Variants in SLC27A2 observed in about 807,000 individuals in gnomAD.
SLC27A2 encodes the protein long-chain fatty acid transport protein 2.
Under a neutral mutation model 60.0 loss-of-function variants are expected in SLC27A2, and 54 were observed. The observed-to-expected ratio is 0.90, with a 90% confidence interval of 0.72 to 1.13. The LOEUF is 1.13. Ranked by LOEUF, SLC27A2 falls within the 50% of genes most tolerant of loss-of-function variation. The pLI, the probability that SLC27A2 is intolerant of heterozygous loss-of-function variation, is 0.00. For missense variants in SLC27A2, 739 were observed against 777.6 expected, an observed-to-expected ratio of 0.95 and a Z score of 0.59; for synonymous variants, 297 against 297.6, an observed-to-expected ratio of 1.00 and a Z score of 0.02.
chr15:50,234,374 G>A, intron 9 of SLC27A2, among the ~76,000 whole-genome samples: 1 of 152,138 alleles, frequency 6.6e-6, no homozygotes, highest in East Asian at 1.9e-4. Context: ...GATCACCTGA[G>A]GTCGGGGGTT....
rs999724088 is a variant in SLC27A2, at chr15:50,188,689, G to A, written c.478+5784G>A. Among the ~76,000 whole-genome samples the A allele has an allele frequency of 1.6e-4, 24 of 152,230 alleles. 1 individual carries two copies. The highest frequency in any genetic ancestry group is 3.2e-3 in the Middle Eastern group (1 of 316). ...ATAAGTGTCTGTTGGGCAGGGCACG[G>A]TGGCTCATGCCTGTAATCCCAACAC... On this transcript the variant is annotated intron_variant, in intron 1 of 9. Transcript: ENST00000267842.
intron 1 of SLC27A2, among the ~76,000 whole-genome samples, chr15:50,195,822 G>A (rs1316195610): frequency 6.6e-6 from 1 of 150,892 alleles, no homozygotes; most frequent in Non-Finnish European, 1.5e-5. Context: ...TTGGGAGGCC[G>A]AGGCGGGCGG....
rs185483039 is a variant in SLC27A2 at position 50,211,518 on chromosome 15, C to A, written c.972+6155C>A. On this transcript the variant is annotated intron_variant, in intron 4 of 9. Coordinates refer to ENST00000267842, the MANE Select transcript of SLC27A2 (RefSeq NM_003645.4). ...AGACCTTCCATCTGACAGAGCCTAC[C>A]CAAATGAGAAGGAATCAGAAAACCA... Among the ~76,000 whole-genome samples the A allele has an allele frequency of 1.2e-4, 18 of 152,220 alleles. No individual in the cohort carries two copies. The East Asian group carries it at 3.3e-3, about 28-fold the overall frequency.
At chr15:50,193,651 T>G (rs2044992239) in intron 1 of SLC27A2, among the ~76,000 whole-genome samples, 1 of 152,236 alleles carries the variant, frequency 6.6e-6, no homozygotes, top group African/African-American at 2.4e-5. Context: ...TTACATTATG[T>G]TTCATTAAAG....
chr15:50,196,191 G>A (rs572303206), intron 1 of SLC27A2, among the ~76,000 whole-genome samples: 4 of 136,150 alleles, frequency 2.9e-5, no homozygotes, highest in Non-Finnish European at 4.6e-5. Context: ...CTCACTTTAC[G>A]GCTTAAAGGC....
chr15:50,219,882 T>C (rs1165023903), intron 4 of SLC27A2, among the ~76,000 whole-genome samples: 2 of 152,202 alleles, frequency 1.3e-5, no homozygotes, highest in African/African-American at 2.4e-5. Context: ...AAGGTTTTTT[T>C]CTTGTTTAAA....
At chr15:50,218,085 A>AAT (rs2045214413) in intron 4 of SLC27A2, among the ~76,000 whole-genome samples, 1 of 150,968 alleles carries the variant, frequency 6.6e-6, no homozygotes, top group African/African-American at 2.4e-5. Flanking sequence ...AAAAAAAAAA[A>AAT]ACCGGGAGAA....
intron 2 of SLC27A2, among the ~76,000 whole-genome samples, chr15:50,200,636 G>A (rs2045056833): frequency 6.6e-6 from 1 of 152,144 alleles, no homozygotes; most frequent in African/African-American, 2.4e-5. Context: ...TCTTCACGAA[G>A]TCTGTTTACC....
rs17848325 is a variant in SLC27A2, at chr15:50,226,196, T to C, written c.1258+118T>C. On this transcript the variant is annotated intron_variant, in intron 6 of 9. Transcript: ENST00000267842. Reference sequence around the variant, plus strand: ...TTTATCAGAGTGGGGAAAAGGGGGGTTTATTTAAGTACCCTCCAATATACA... The same window carrying C: ...TTTATCAGAGTGGGGAAAAGGGGGGCTTATTTAAGTACCCTCCAATATACA... 6.3e-3 allele frequency: 4,023 copies of C among 641,356 alleles called. 118 individuals are homozygous for C. The East Asian group carries it at 0.071, about 11-fold the overall frequency. 39.7% of individuals were successfully genotyped at this position (641,356 alleles called of 1,614,324 possible).
chr15:50,200,838 T>C (rs971110072), intron 2 of SLC27A2, among the ~76,000 whole-genome samples: 1 of 152,168 alleles, frequency 6.6e-6, no homozygotes, highest in Admixed American at 6.5e-5. Context: ...AGATACGGTT[T>C]TTCACCTTTC....
chr15:50,194,822 TA>T (rs1220609519), intron 1 of SLC27A2, among the ~76,000 whole-genome samples: 1 of 151,592 alleles, frequency 6.6e-6, no homozygotes, highest in East Asian at 1.9e-4. Flanking sequence ...AGGAGGGGAA[TA>T]AAGATTCTTG....
intron 4 of SLC27A2, among the ~76,000 whole-genome samples, chr15:50,212,726 G>C (rs942363776): frequency 6.6e-6 from 1 of 152,148 alleles, no homozygotes; most frequent in South Asian, 2.1e-4. Context: ...GTCGTTTTCA[G>C]ACAAACAAAT....
intron 8 of SLC27A2, among the ~76,000 whole-genome samples, chr15:50,229,827 T>C (rs1215152421): frequency 1.3e-5 from 2 of 152,198 alleles, no homozygotes; most frequent in Non-Finnish European, 2.9e-5. Context: ...AGGGGTATTA[T>C]TATTCCCCCA....
At chr15:50,217,286 C>G (rs1337481008) in intron 4 of SLC27A2, among the ~76,000 whole-genome samples, 1 of 152,138 alleles carries the variant, frequency 6.6e-6, no homozygotes, top group Non-Finnish European at 1.5e-5. Flanking sequence ...TAAGAAGTAG[C>G]TGGACCTGCT....
At position 50,197,581 on chromosome 15, in the gene SLC27A2, A is replaced by T. The variant is rs1595682620; in HGVS notation, c.560A>T (p.Asn187Ile). 1 of 1,614,044 alleles carries T rather than the reference A, an allele frequency of 6.2e-7. No individual in the cohort carries two copies. The highest frequency in any genetic ancestry group is 2.2e-5 in the East Asian group (1 of 44,862). The change falls in exon 2 of 10, where the codon AAC (asparagine) becomes ATC (isoleucine). Residue 187 changes from asparagine (N) to isoleucine (I), a missense_variant. By Grantham distance (149) the Asn-to-Ile change is moderately radical. Transcript: ENST00000267842. ...VSIYYVSRTS[N>I]TDGIDSFLDK... Reference sequence around the variant, plus strand: ...ATCTATTATGTGAGCAGAACTTCTAACACAGATGGGATTGACTCTTTCCTG... The same window carrying T: ...ATCTATTATGTGAGCAGAACTTCTATCACAGATGGGATTGACTCTTTCCTG...
At chr15:50,213,328 A>G (rs2045171511) in intron 4 of SLC27A2, among the ~76,000 whole-genome samples, 1 of 152,204 alleles carries the variant, frequency 6.6e-6, no homozygotes, top group Non-Finnish European at 1.5e-5. Context: ...GACCTAAGAA[A>G]TAAGATAGAC....
intron 4 of SLC27A2, among the ~76,000 whole-genome samples, chr15:50,205,691 A>C (rs2555490): frequency 0.72 from 109,593 of 151,950 alleles, 41,339 homozygotes; most frequent in Non-Finnish European, 0.84. Context: ...TACATTAAAC[A>C]TATTTGGGTC....
chr15:50,226,816 G>T (rs1469927566), intron 6 of SLC27A2, among the ~76,000 whole-genome samples, 164 bp from the exon 7 acceptor site: 1 of 152,168 alleles, frequency 6.6e-6, no homozygotes, highest in Non-Finnish European at 1.5e-5. Context: ...ATGTGTGTCT[G>T]TAATATATAT....
rs1249529438 is a variant in SLC27A2, at chr15:50,205,345, T to C, written c.954T>C (p.Tyr318=). The part of the protein sequence containing the change: ...VIQYIGELLR[Y]LCNSPQKPND... ...AGTATATCGGTGAACTGCTTCGGTATTTATGCAACTCACCACAGGTAACAC... is the reference window on the plus strand; with the variant it reads ...AGTATATCGGTGAACTGCTTCGGTACTTATGCAACTCACCACAGGTAACAC... Residue 318 remains tyrosine, a synonymous_variant, in exon 4 of 10, where the codon TAT becomes TAC. Coordinates refer to ENST00000267842, the MANE Select transcript of SLC27A2 (RefSeq NM_003645.4). 6.2e-7 allele frequency: 1 copy of C among 1,606,916 alleles called. No homozygotes were observed. Among genetic ancestry groups the C allele is most frequent in the East Asian group, 2.2e-5 (1 of 44,756 alleles).
Sources: allele counts gnomAD v4.1 joint callset (sites outside exome capture counted in the v4.1 genomes callset), GRCh38; gene constraint gnomAD v4.1.1; transcripts MANE v1.5; gene names NCBI Gene and HGNC (gene_info 2026-07-23, HGNC 2026-07-21).